The following DCC variants were observed in gnomAD, a reference collection of about 807,000 sequenced individuals.
The protein encoded by DCC is DCC netrin 1 receptor.
DCC carries 58 observed loss-of-function variants against 172.5 expected under a neutral mutation model. The ratio of observed to expected loss-of-function variants is 0.34; its 90% CI spans 0.27 to 0.42. The LOEUF (loss-of-function observed/expected upper bound fraction) is 0.42, where lower values mean the gene tolerates loss of function less well. Among genes scored for constraint, DCC ranks in the 10% least tolerant of loss-of-function variants. DCC has a pLI of 1.00. For synonymous variants in DCC, 709 were observed against 644.5 expected (o/e 1.10, Z -1.52); for missense variants, 1,740 against 1,791.0 (o/e 0.97, Z 0.51).
intron 1 of DCC, among the ~76,000 whole-genome samples, chr18:52,740,959 A>G (rs2036812641): frequency 6.6e-6 from 1 of 152,196 alleles, no homozygotes; most frequent in East Asian, 1.9e-4. Context: ...AGAGCTGAAG[A>G]TGCCTCCTTG....
intron 2 of DCC, among the ~76,000 whole-genome samples, chr18:52,810,133 G>C (rs2038165581): frequency 6.6e-6 from 1 of 152,096 alleles, no homozygotes; most frequent in Non-Finnish European, 1.5e-5. Context: ...ATTGGATATA[G>C]TTTACAAAAA....
At chr18:53,221,270 A>C (rs1433110702) in intron 12 of DCC, among the ~76,000 whole-genome samples, 1 of 152,044 alleles carries the variant, frequency 6.6e-6, no homozygotes, top group Non-Finnish European at 1.5e-5. Flanking sequence ...CCATCTCTAG[A>C]ATATTTTCCA....
intron 1 of DCC, among the ~76,000 whole-genome samples, chr18:52,537,458 C>A (rs533422532): frequency 1.3e-5 from 2 of 152,116 alleles, no homozygotes; most frequent in African/African-American, 2.4e-5. Context: ...GTAAACACAG[C>A]GCCTGTTGAG....
chr18:52,408,874 A>T lies in DCC; in HGVS notation c.91+67996A>T, dbSNP rs548686511. On this transcript the variant is annotated intron_variant, in intron 1 of 28. Transcript: ENST00000442544. ...CTTCTGAGTTCTCTTTAAAGGGCAGACAAAATGATTTGTGGGAGTTTGGGG... is the reference window on the plus strand; with the variant it reads ...CTTCTGAGTTCTCTTTAAAGGGCAGTCAAAATGATTTGTGGGAGTTTGGGG... Among the ~76,000 whole-genome samples the T allele has an allele frequency of 2.0e-5, 3 of 152,238 alleles. No homozygotes were observed. In the East Asian group the frequency reaches 5.8e-4, roughly 29 times the overall value.
chr18:53,498,863 A>G (rs1454029196), intron 26 of DCC, among the ~76,000 whole-genome samples: 1 of 152,212 alleles, frequency 6.6e-6, no homozygotes, highest in Admixed American at 6.5e-5. Flanking sequence ...TTTGTTTGAC[A>G]GTTGACATGG....
intron 15 of DCC, among the ~76,000 whole-genome samples, chr18:53,382,106 C>A (rs72929464): frequency 1.4e-3 from 37 of 25,888 alleles, no homozygotes; most frequent in African/African-American, 3.0e-3. Context: ...ACACACACAC[C>A]CCTACCTCCT....
intron 13 of DCC, among the ~76,000 whole-genome samples, chr18:53,320,262 C>G (rs776954566): frequency 6.6e-6 from 1 of 151,854 alleles, no homozygotes; most frequent in Non-Finnish European, 1.5e-5. Flanking sequence ...TTAGTAGAGA[C>G]GGGGTTCCAC....
chr18:53,498,588 A>G (rs1308812431), intron 26 of DCC, among the ~76,000 whole-genome samples: 1 of 147,802 alleles, frequency 6.8e-6, no homozygotes, highest in Non-Finnish European at 1.5e-5. Flanking sequence ...GTGTATTTCC[A>G]TATACAAAGC....
At chr18:52,656,138 G>A (rs1027696374) in intron 1 of DCC, among the ~76,000 whole-genome samples, 3 of 149,712 alleles carry the variant, frequency 2.0e-5, no homozygotes, top group Admixed American at 1.3e-4. Flanking sequence ...TATATATAGT[G>A]TGTATTGATG....
intron 7 of DCC, among the ~76,000 whole-genome samples, chr18:53,111,150 C>CA (rs1169713262): frequency 1.3e-5 from 2 of 149,400 alleles, no homozygotes; most frequent in South Asian, 2.1e-4. Context: ...ATCGCAAGGA[C>CA]AAAAAACCAA....
chr18:52,841,107 T>G (rs1175076791), intron 2 of DCC, among the ~76,000 whole-genome samples: 1 of 151,794 alleles, frequency 6.6e-6, no homozygotes, highest in Non-Finnish European at 1.5e-5. Context: ...TATCTCAGAG[T>G]AGGAAAGGTA....
At chr18:52,765,789 T>C (rs980612825) in intron 2 of DCC, among the ~76,000 whole-genome samples, 1 of 152,182 alleles carries the variant, frequency 6.6e-6, no homozygotes, top group Non-Finnish European at 1.5e-5. Flanking sequence ...GCTTCAGAGC[T>C]AGTCAGCCTC....
chr18:53,292,685 G>A (rs539401434), intron 12 of DCC, among the ~76,000 whole-genome samples: 25 of 152,182 alleles, frequency 1.6e-4, no homozygotes, highest in South Asian at 8.3e-4. Flanking sequence ...GCGAAACTCC[G>A]TCTCAAAACA....
chr18:53,298,644 C>T (rs189045321), intron 12 of DCC, among the ~76,000 whole-genome samples: 1 of 147,962 alleles, frequency 6.8e-6, no homozygotes, highest in Non-Finnish European at 1.5e-5. Flanking sequence ...GGTTTAATAT[C>T]TACATTTGTA....
intron 1 of DCC, among the ~76,000 whole-genome samples, chr18:52,480,841 C>A (rs921105555): frequency 1.3e-5 from 2 of 151,922 alleles, no homozygotes; most frequent in African/African-American, 4.8e-5. Context: ...TTTGAATATA[C>A]CCCCCAATTT....
chr18:53,083,713 T>G (rs2042837785), intron 7 of DCC, among the ~76,000 whole-genome samples: 1 of 152,170 alleles, frequency 6.6e-6, no homozygotes, highest in Admixed American at 6.5e-5. Context: ...AGCTCTTTGT[T>G]TACATGTGCA....
intron 12 of DCC, among the ~76,000 whole-genome samples, chr18:53,280,433 A>G (rs2056857500): frequency 6.6e-6 from 1 of 152,088 alleles, no homozygotes. Context: ...TCCACATTTC[A>G]ATCTCCAATC....
At chr18:52,597,712 G>T (rs992279692) in intron 1 of DCC, among the ~76,000 whole-genome samples, 1 of 152,154 alleles carries the variant, frequency 6.6e-6, no homozygotes, top group Non-Finnish European at 1.5e-5. Context: ...AGGCACGTTG[G>T]TGAGAAATAG....
intron 2 of DCC, among the ~76,000 whole-genome samples, chr18:52,756,667 C>T (rs561983926): frequency 3.3e-5 from 5 of 152,148 alleles, no homozygotes; most frequent in African/African-American, 4.8e-5. Flanking sequence ...TAACCCTTAC[C>T]GTGAAAATGA....
Sources: allele counts gnomAD v4.1 joint callset (sites outside exome capture counted in the v4.1 genomes callset), GRCh38; gene constraint gnomAD v4.1.1; transcripts MANE v1.5; gene names NCBI Gene and HGNC (gene_info 2026-07-23, HGNC 2026-07-21).